The following LUZP2 variants were observed in gnomAD, a reference collection of about 807,000 sequenced individuals.
LUZP2 encodes leucine zipper protein 2.
LUZP2 carries 52 observed loss-of-function variants against 51.6 expected under a neutral mutation model. The observed-to-expected ratio is 1.01, with a 90% CI of 0.81 to 1.27. LUZP2 has a LOEUF of 1.27. Among genes scored for constraint, LUZP2 ranks in the 50% most tolerant of loss-of-function variants. The pLI is 0.00. For missense variants in LUZP2, 436 were observed against 395.4 expected (o/e 1.10, Z -0.87); for synonymous variants, 154 against 137.3 (o/e 1.12, Z -0.85).
chr11:24,900,172 A>T (rs944753449), intron 5 of LUZP2, among the ~76,000 whole-genome samples: 1 of 152,214 alleles, frequency 6.6e-6, no homozygotes, highest in African/African-American at 2.4e-5. Flanking sequence ...TTCTAAGAGT[A>T]TTACATTCTA....
chr11:24,961,705 T>G (rs1035110109), intron 7 of LUZP2, among the ~76,000 whole-genome samples: 6 of 152,192 alleles, frequency 3.9e-5, no homozygotes, highest in African/African-American at 1.4e-4. Flanking sequence ...TTATCCAATT[T>G]GCCTGTCTGT....
At chr11:24,807,822 A>C (rs73426008) in intron 5 of LUZP2, among the ~76,000 whole-genome samples, 1 of 152,092 alleles carries the variant, frequency 6.6e-6, no homozygotes, top group Admixed American at 6.6e-5. Context: ...CCCATAAAAA[A>C]GTGGAGGAAG....
At chr11:24,926,124 A>T (rs1208020758) in intron 7 of LUZP2, among the ~76,000 whole-genome samples, 2 of 151,304 alleles carry the variant, frequency 1.3e-5, no homozygotes, top group Non-Finnish European at 3.0e-5. Context: ...GTGTGTATAC[A>T]TACCTATGGA....
At chr11:24,867,049 C>G (rs10767261) in intron 5 of LUZP2, among the ~76,000 whole-genome samples, 24,034 of 152,044 alleles carry the variant, frequency 0.16, 2,079 homozygotes, top group African/African-American at 0.22. Context: ...TTCAAAAAGC[C>G]TTTTGAAGCA....
intron 10 of LUZP2, among the ~76,000 whole-genome samples, chr11:25,072,494 T>C (rs1293275092): frequency 6.6e-6 from 1 of 152,124 alleles, no homozygotes; most frequent in Non-Finnish European, 1.5e-5. Context: ...ATTGTCTATA[T>C]TTCATTTGTG....
At chr11:24,881,455 GTACACCTTTGCATGAGATC>G (rs1380900130) in intron 5 of LUZP2, among the ~76,000 whole-genome samples, 4 of 151,620 alleles carry the variant, frequency 2.6e-5, no homozygotes, top group Non-Finnish European at 5.9e-5. Context: ...GACAATAGAG[GTACACCTTTGCATGAGATC>G]TTTATGCTCA....
intron 5 of LUZP2, among the ~76,000 whole-genome samples, chr11:24,802,469 T>G (rs1849723457): frequency 1.3e-5 from 2 of 152,044 alleles, no homozygotes; most frequent in Admixed American, 1.3e-4. Flanking sequence ...TGTTTTTTTT[T>G]TAATTTAAAA....
chr11:24,801,025 G>A (rs1208647403), intron 5 of LUZP2, among the ~76,000 whole-genome samples: 2 of 152,036 alleles, frequency 1.3e-5, no homozygotes, highest in Non-Finnish European at 2.9e-5. Context: ...ACATCATGAA[G>A]CCTGTTTTTG....
intron 1 of LUZP2, among the ~76,000 whole-genome samples, chr11:24,639,726 C>T (rs1399881053): frequency 1.3e-5 from 2 of 151,916 alleles, no homozygotes; most frequent in Non-Finnish European, 2.9e-5. Context: ...GCTGGGATTA[C>T]AGGCGTGAGC....
At chr11:25,045,136 A>G (rs1000407859) in intron 9 of LUZP2, among the ~76,000 whole-genome samples, 2 of 151,760 alleles carry the variant, frequency 1.3e-5, no homozygotes, top group Admixed American at 6.6e-5. Flanking sequence ...GCAGCACACC[A>G]ACATGGCACA....
intron 4 of LUZP2, among the ~76,000 whole-genome samples, chr11:24,761,720 C>A: frequency 6.6e-6 from 1 of 152,124 alleles, no homozygotes; most frequent in East Asian, 1.9e-4. Flanking sequence ...TTACTTTCAA[C>A]TGTGGTTACT....
chr11:24,534,253 A>C (rs1377394112), intron 1 of LUZP2, among the ~76,000 whole-genome samples: 2 of 151,228 alleles, frequency 1.3e-5, no homozygotes, highest in African/African-American at 2.4e-5. Context: ...AAATATGTAT[A>C]CATATACATG....
At chr11:24,898,189 T>G (rs1217968010) in intron 5 of LUZP2, among the ~76,000 whole-genome samples, 11 of 152,102 alleles carry the variant, frequency 7.2e-5, no homozygotes, top group Admixed American at 5.9e-4. Context: ...CGTAAGAACT[T>G]ACATAAATTG....
intron 7 of LUZP2, among the ~76,000 whole-genome samples, chr11:24,962,486 A>G (rs951874628): frequency 2.0e-5 from 3 of 151,726 alleles, no homozygotes; most frequent in African/African-American, 7.3e-5. Flanking sequence ...TTTTCTCTAA[A>G]CTTCCCTTCT....
At chr11:24,991,338 A>ATG (rs58547863) in intron 9 of LUZP2, among the ~76,000 whole-genome samples, 69,484 of 123,228 alleles carry the variant, frequency 0.56, 17,090 homozygotes, top group Admixed American at 0.59. Flanking sequence ...CATCATATAT[A>ATG]TGTGTGTGTG....
chr11:24,619,741 C>A (rs1123222), intron 1 of LUZP2, among the ~76,000 whole-genome samples: 27,825 of 151,970 alleles, frequency 0.18, 2,866 homozygotes, highest in African/African-American at 0.27. Flanking sequence ...TTTAAATCAT[C>A]CCTAGATTAC....
intron 7 of LUZP2, among the ~76,000 whole-genome samples, chr11:24,922,825 CTTTTTTTTTTTCTT>C (rs1397381425): frequency 0.012 from 529 of 44,572 alleles, 33 homozygotes; most frequent in African/African-American, 0.023. Context: ...ACAGTTATAT[CTTTTTTTTTTTCTT>C]TTTTTTTTTT....
At chr11:24,832,923 A>C (rs1850743498) in intron 5 of LUZP2, among the ~76,000 whole-genome samples, 1 of 152,146 alleles carries the variant, frequency 6.6e-6, no homozygotes, top group African/African-American at 2.4e-5. Context: ...TTTATTACAT[A>C]ACTTAGAGGC....
At chr11:24,548,816 A>G in intron 1 of LUZP2, among the ~76,000 whole-genome samples, 1 of 152,098 alleles carries the variant, frequency 6.6e-6, no homozygotes, top group East Asian at 1.9e-4. Flanking sequence ...GAAACATGGA[A>G]AATGCCCAAA....
Sources: allele counts gnomAD v4.1 joint callset (sites outside exome capture counted in the v4.1 genomes callset), GRCh38; gene constraint gnomAD v4.1.1; transcripts MANE v1.5; gene names NCBI Gene and HGNC (gene_info 2026-07-23, HGNC 2026-07-21).